RETREG1: variants seen among roughly 807,000 people sequenced by gnomAD.
RETREG1 encodes the protein family with sequence similarity 134 member B.
A neutral mutation model predicts 54.8 loss-of-function variants in RETREG1; 44 were observed. That is an observed-to-expected ratio of 0.80 (90% CI 0.63 to 1.03). The LOEUF (loss-of-function observed/expected upper bound fraction) is 1.03, where lower values mean the gene tolerates loss of function less well. Ranked by LOEUF, RETREG1 falls within the 50% of genes least tolerant of loss-of-function variation. The pLI is 0.00. For synonymous variants in RETREG1, 217 were observed against 238.5 expected (o/e 0.91, Z 0.83); for missense variants, 554 against 605.1 (o/e 0.92, Z 0.89).
chr5:16,523,461 AT>A (rs529471328), intron 3 of RETREG1, among the ~76,000 whole-genome samples: 56 of 152,104 alleles, frequency 3.7e-4, no homozygotes, highest in Admixed American at 2.3e-3. Context: ...TTAGGCTGAG[AT>A]TTTGGGTTGG....
rs199869255 is a variant in RETREG1 at position 16,493,984 on chromosome 5, G to A, written c.459-10512C>T. ...AGATGGCAAACTTGGAGTGACTATC[G>A]CACATTAAGATATTCAGTCAAGATG... On this transcript the variant is annotated intron_variant, in intron 3 of 8. Transcript: ENST00000306320. 5.9e-5 allele frequency among the ~76,000 whole-genome samples: 9 copies of A among 152,226 alleles called. No individual in the cohort carries two copies. The East Asian group carries it at 7.7e-4, about 13-fold the overall frequency.
chr5:16,481,656 T>C (rs1245494280), intron 4 of RETREG1, among the ~76,000 whole-genome samples: 1 of 152,016 alleles, frequency 6.6e-6, no homozygotes. Context: ...TTCCTAACCA[T>C]ATATACTGCT....
At chr5:16,545,085 C>T (rs1241859377) in intron 3 of RETREG1, among the ~76,000 whole-genome samples, 3 of 152,162 alleles carry the variant, frequency 2.0e-5, no homozygotes. Flanking sequence ...CAAAGCAACA[C>T]ATTTCAATTG....
chr5:16,539,021 ATC>A (rs1179796728), intron 3 of RETREG1, among the ~76,000 whole-genome samples: 2 of 152,222 alleles, frequency 1.3e-5, no homozygotes, highest in Non-Finnish European at 2.9e-5. Context: ...GGCTGTCGGA[ATC>A]TGTTAGACTC....
chr5:16,543,246 C>T lies in RETREG1; in HGVS notation c.458+22517G>A, dbSNP rs188146525. ...TTATTTATGCACTCACCTCTGCTGA[C>T]AGATAGTTTCGGCTATTACAAATAA... is the stretch of plus-strand genomic sequence containing the variant. On this transcript the variant is annotated intron_variant, in intron 3 of 8. Transcript: ENST00000306320. Among the ~76,000 whole-genome samples the T allele has an allele frequency of 9.8e-5, 15 of 152,308 alleles. No homozygotes were observed. The East Asian group carries it at 2.3e-3, about 24-fold the overall frequency.
chr5:16,495,599 C>T lies in RETREG1; in HGVS notation c.459-12127G>A, dbSNP rs143795993. 4.3e-3 allele frequency among the ~76,000 whole-genome samples: 647 copies of T among 152,222 alleles called. 7 individuals are homozygous for T. The highest frequency in any genetic ancestry group is 0.014 in the African/African-American group (597 of 41,542). On this transcript the variant is annotated intron_variant, in intron 3 of 8. Coordinates refer to ENST00000306320, the MANE Select transcript of RETREG1 (RefSeq NM_001034850.3). ...TGCTTCAGAGGGTGCAAGCCATAAG[C>T]CTTGGTGGCTTCCATGTGGTGTTAA...
At chr5:16,587,000 T>C (rs1742641444) in intron 1 of RETREG1, among the ~76,000 whole-genome samples, 1 of 152,208 alleles carries the variant, frequency 6.6e-6, no homozygotes, top group Non-Finnish European at 1.5e-5. Flanking sequence ...TCATGAGGGC[T>C]CCATCCTCCG....
chr5:16,581,477 C>G (rs1742472126), intron 1 of RETREG1, among the ~76,000 whole-genome samples: 1 of 151,844 alleles, frequency 6.6e-6, no homozygotes, highest in Admixed American at 6.6e-5. Flanking sequence ...ATCACAGTGA[C>G]CAATAAAGGC....
At chr5:16,488,851 G>A (rs770811297) in intron 3 of RETREG1, among the ~76,000 whole-genome samples, 29 of 151,986 alleles carry the variant, frequency 1.9e-4, no homozygotes, top group African/African-American at 4.8e-4. Flanking sequence ...TTGGGAGGCC[G>A]AGGTGGGCAG....
At chr5:16,526,673 T>G (rs1740724955) in intron 3 of RETREG1, among the ~76,000 whole-genome samples, 1 of 152,258 alleles carries the variant, frequency 6.6e-6, no homozygotes, top group Non-Finnish European at 1.5e-5. Context: ...GACACTGTTC[T>G]AACATTTCTA....
intron 3 of RETREG1, among the ~76,000 whole-genome samples, chr5:16,546,382 G>A (rs1391402743): frequency 1.3e-5 from 2 of 152,148 alleles, no homozygotes; most frequent in African/African-American, 4.8e-5. Flanking sequence ...TGCCCAGGCT[G>A]GTCTGGGACT....
intron 3 of RETREG1, among the ~76,000 whole-genome samples, chr5:16,526,171 T>C (rs76959298): frequency 0.017 from 2,613 of 152,354 alleles, 65 homozygotes; most frequent in African/African-American, 0.06. Context: ...TGGAGGGCCA[T>C]TGCTGTGGGT....
In RETREG1 at chr5:16,474,763, G is replaced by C. The variant is rs1158524898; in HGVS notation, c.1472C>G (p.Ser491Ter). ...AGATTAATGGCCTCCCAGCAGATTT[G>C]AAAGGAAACCTGAAGACTTCTTATT... The part of the protein sequence containing the change: ...QQNKKSSGFL[S>*]NLLGGH The change falls in exon 9 of 9, where the codon TCA becomes TGA. Residue 491 changes from serine to a stop codon, truncating the protein, a stop_gained. Coordinates refer to ENST00000306320, the MANE Select transcript of RETREG1 (RefSeq NM_001034850.3). LOFTEE classifies it high-confidence loss of function. 2 of 1,607,190 alleles carry C rather than the reference G, an allele frequency of 1.2e-6. No individual in the cohort carries two copies. The highest frequency in any genetic ancestry group is 1.7e-6 in the Non-Finnish European group (2 of 1,177,898).
At chr5:16,487,345 G>A (rs960681597) in intron 3 of RETREG1, among the ~76,000 whole-genome samples, 3 of 151,958 alleles carry the variant, frequency 2.0e-5, no homozygotes, top group African/African-American at 7.2e-5. Flanking sequence ...CCTCCCTCTC[G>A]CCAGCCTTCC....
chr5:16,535,933 A>G (rs1397959615), intron 3 of RETREG1, among the ~76,000 whole-genome samples: 10 of 91,332 alleles, frequency 1.1e-4, no homozygotes, highest in Admixed American at 5.1e-4. Flanking sequence ...CTGTGTACAC[A>G]TTGCCTTCAC....
Position 16,597,230 on chromosome 5 carries a change from G to A in RETREG1, c.320+19422C>T, listed in dbSNP as rs895437627. Among the ~76,000 whole-genome samples the A allele has an allele frequency of 2.0e-5, 3 of 152,214 alleles. No individual in the cohort carries two copies. The highest frequency in any genetic ancestry group is 7.2e-5 in the African/African-American group (3 of 41,468). ...AGTCACCTGACTTCTCTGTGCCTCA[G>A]TGTCATTGTGAATATTAGTAACGAC... On this transcript the variant is annotated intron_variant, in intron 1 of 8. Coordinates refer to ENST00000306320, the MANE Select transcript of RETREG1 (RefSeq NM_001034850.3). The surrounding 1 kb of genome is among the most constrained non-coding windows in gnomAD (Gnocchi z 4.3).
chr5:16,611,882 T>C (rs1205184701), intron 1 of RETREG1, among the ~76,000 whole-genome samples: 2 of 151,990 alleles, frequency 1.3e-5, no homozygotes, highest in Non-Finnish European at 2.9e-5. Context: ...CTGACCAATA[T>C]GGTGAAACCC....
At chr5:16,590,867 A>T (rs983605636) in intron 1 of RETREG1, among the ~76,000 whole-genome samples, 18 of 130,046 alleles carry the variant, frequency 1.4e-4, no homozygotes, top group Non-Finnish European at 2.9e-4. Context: ...AAACACACAC[A>T]TGCAAACATA....
chr5:16,498,544 C>T (rs1739563583), intron 3 of RETREG1, among the ~76,000 whole-genome samples: 1 of 152,152 alleles, frequency 6.6e-6, no homozygotes, highest in Non-Finnish European at 1.5e-5. Flanking sequence ...AAAACCCAAT[C>T]TCTACAAAAA....
Sources: allele counts gnomAD v4.1 joint callset (sites outside exome capture counted in the v4.1 genomes callset), GRCh38; gene constraint gnomAD v4.1.1; non-coding constraint Gnocchi (gnomAD v3.1); transcripts MANE v1.5; gene names NCBI Gene and HGNC (gene_info 2026-07-23, HGNC 2026-07-21).